The following ATP6V1E1 variants were observed in gnomAD, a reference collection of about 807,000 sequenced individuals.
ATP6V1E1 encodes the protein V-type proton ATPase subunit E 1.
Under a neutral mutation model 35.2 loss-of-function variants are expected in ATP6V1E1, and 21 were observed. The observed-to-expected ratio is 0.60, with a 90% CI of 0.42 to 0.86. The LOEUF is 0.86. Ranked by LOEUF, ATP6V1E1 falls within the 40% of genes least tolerant of loss-of-function variation. The pLI, the probability that ATP6V1E1 is intolerant of heterozygous loss-of-function variation, is 0.00. For synonymous variants in ATP6V1E1, 83 were observed against 87.8 expected (o/e 0.95, Z 0.30); for missense variants, 183 against 272.6 (o/e 0.67, Z 2.32).
At chr22:17,599,524 C>A (rs182674680) in intron 6 of ATP6V1E1, among the ~76,000 whole-genome samples, 4 of 141,096 alleles carry the variant, frequency 2.8e-5, no homozygotes, top group Admixed American at 2.2e-4. Context: ...TTGCAGTGAG[C>A]CGAGATCGCA....
intron 4 of ATP6V1E1, among the ~76,000 whole-genome samples, chr22:17,609,547 C>T (rs2057804648): frequency 6.9e-6 from 1 of 145,632 alleles, no homozygotes; most frequent in East Asian, 2.1e-4. Flanking sequence ...CAGCTCACTG[C>T]AAGCTCGGCC....
intron 4 of ATP6V1E1, among the ~76,000 whole-genome samples, chr22:17,611,554 T>C (rs1172369807): frequency 1.3e-5 from 2 of 152,170 alleles, no homozygotes; most frequent in African/African-American, 4.8e-5. Flanking sequence ...CCCTCAAACA[T>C]GTCCAAAAGT....
intron 5 of ATP6V1E1, 29 bp downstream of exon 5, chr22:17,601,063 T>C (rs376671915): frequency 5.7e-6 from 9 of 1,580,466 alleles, no homozygotes; most frequent in Non-Finnish European, 7.8e-6. Context: ...ACTGTGGCTA[T>C]CAACAGTAGA....
At chr22:17,616,721 G>A (rs1381879521) in intron 2 of ATP6V1E1, among the ~76,000 whole-genome samples, 1 of 148,660 alleles carries the variant, frequency 6.7e-6, no homozygotes. Flanking sequence ...TGAAATAATA[G>A]CTGAAATAGG....
At chr22:17,619,343 A>C in intron 2 of ATP6V1E1, 118 bp downstream of exon 2, 3 of 908,094 alleles carry the variant, frequency 3.3e-6, no homozygotes, top group Middle Eastern at 2.3e-4. Flanking sequence ...GAAGGAAGAG[A>C]CATTTTTATC....
chr22:17,594,522 C>T lies in ATP6V1E1; in HGVS notation c.618+7G>A. 1 of 1,566,536 alleles carries T rather than the reference C, an allele frequency of 6.4e-7. No individual in the cohort carries two copies. ...GACCAACTACCAAGAAGTACCCCCACACTCACCTGCTGGGCTATGAGATCC... is the reference window on the plus strand; with the variant it reads ...GACCAACTACCAAGAAGTACCCCCATACTCACCTGCTGGGCTATGAGATCC... On this transcript the variant is annotated splice_region_variant and intron_variant, in intron 8 of 8. Coordinates refer to ENST00000253413, the MANE Select transcript of ATP6V1E1 (RefSeq NM_001696.4).
rs145557141 is a variant in ATP6V1E1, at chr22:17,626,567, C to T, written c.33+2036G>A. On this transcript the variant is annotated intron_variant, in intron 1 of 8. Coordinates refer to ENST00000253413, the MANE Select transcript of ATP6V1E1 (RefSeq NM_001696.4). The stretch of plus-strand genomic sequence containing the variant: ...TTTTTTTTTTTTTTTGAGACAGTCT[C>T]GCTCTGTTGCCCAGGCAGCAATGGT... 4.3e-3 allele frequency among the ~76,000 whole-genome samples: 635 copies of T among 147,630 alleles called. 3 individuals carry two copies. Among genetic ancestry groups the T allele is most frequent in the Middle Eastern group, 7.9e-3 (2 of 254 alleles).
intron 4 of ATP6V1E1, among the ~76,000 whole-genome samples, chr22:17,605,342 C>T (rs2057781370): frequency 6.6e-6 from 1 of 151,676 alleles, no homozygotes; most frequent in Non-Finnish European, 1.5e-5. Flanking sequence ...ACCGGCCTGG[C>T]CAACATGGAA....
upstream of ATP6V1E1, chr22:17,628,751 A>T: frequency 6.9e-7 from 1 of 1,440,888 alleles, no homozygotes; most frequent in Non-Finnish European, 9.7e-7. Context: ...TTACTTTATA[A>T]CCGCGGGTTC....
rs771519246 is a variant in ATP6V1E1 at position 17,598,292 on chromosome 22, GA to G, written c.436-5del. The G allele has an allele frequency of 2.1e-5, 33 of 1,608,604 alleles. No homozygotes were observed. Among genetic ancestry groups the G allele is most frequent in the Non-Finnish European group, 2.8e-5 (33 of 1,175,168 alleles). ...GAATTGCCTTCTGCACTGCAGCCTG[GA>G]AGTATAGAACACAATGAGAGGTGTC... On this transcript the variant is annotated splice_region_variant and splice_polypyrimidine_tract_variant and intron_variant, in intron 6 of 8. Transcript: ENST00000253413.
At chr22:17,605,413 C>A (rs1479167794) in intron 4 of ATP6V1E1, among the ~76,000 whole-genome samples, 1 of 151,610 alleles carries the variant, frequency 6.6e-6, no homozygotes, top group African/African-American at 2.4e-5. Flanking sequence ...GCCTGTAATC[C>A]CAGCTACTCG....
intron 8 of ATP6V1E1, among the ~76,000 whole-genome samples, chr22:17,594,324 A>G (rs551975081): frequency 5.5e-4 from 83 of 152,288 alleles, no homozygotes; most frequent in African/African-American, 1.9e-3. Context: ...TCAACAAAAC[A>G]CTTGTTCTGA....
intron 4 of ATP6V1E1, among the ~76,000 whole-genome samples, chr22:17,602,268 T>G (rs1174095724): frequency 6.6e-6 from 1 of 151,996 alleles, no homozygotes; most frequent in Non-Finnish European, 1.5e-5. Context: ...GCTTCTATAA[T>G]AAAAATAACT....
chr22:17,623,983 CT>C (rs1329472130), intron 1 of ATP6V1E1, among the ~76,000 whole-genome samples: 2 of 152,184 alleles, frequency 1.3e-5, no homozygotes, highest in East Asian at 3.8e-4. Flanking sequence ...ACAGTTTCTT[CT>C]TCCTGCTCAG....
intron 2 of ATP6V1E1, among the ~76,000 whole-genome samples, chr22:17,618,621 G>A (rs868117093): frequency 3.4e-5 from 5 of 148,810 alleles, no homozygotes; most frequent in Non-Finnish European, 5.9e-5. Flanking sequence ...GGTGGAGCTT[G>A]CAGTGAGCCA....
At chr22:17,604,547 T>A (rs1373029231) in intron 4 of ATP6V1E1, among the ~76,000 whole-genome samples, 1 of 133,224 alleles carries the variant, frequency 7.5e-6, no homozygotes, top group African/African-American at 2.9e-5. Flanking sequence ...TGAGACGGAG[T>A]CTCGCTTTGT....
chr22:17,627,266 T>A (rs888753522), intron 1 of ATP6V1E1, among the ~76,000 whole-genome samples: 71 of 151,826 alleles, frequency 4.7e-4, no homozygotes, highest in African/African-American at 1.7e-3. Context: ...TAGCTGGGAC[T>A]ACAGGCGCCC....
At chr22:17,600,970 G>A (rs2146299025) in intron 5 of ATP6V1E1, 122 bp downstream of exon 5, 3 of 775,794 alleles carry the variant, frequency 3.9e-6, no homozygotes, top group Non-Finnish European at 6.1e-6. Context: ...GAAAAAAAAA[G>A]GGTGAAAGGA....
chr22:17,612,952 C>T, intron 3 of ATP6V1E1, 74 bp from the exon 4 acceptor site: 6 of 1,400,580 alleles, frequency 4.3e-6, no homozygotes, highest in Non-Finnish European at 5.9e-6. Flanking sequence ...CTCCTGGGCT[C>T]AAGCAATCCT....
Sources: allele counts gnomAD v4.1 joint callset (sites outside exome capture counted in the v4.1 genomes callset), GRCh38; gene constraint gnomAD v4.1.1; transcripts MANE v1.5; gene names NCBI Gene and HGNC (gene_info 2026-07-23, HGNC 2026-07-21).